The following TECTA variants were observed in gnomAD, a reference collection of about 807,000 sequenced individuals.
TECTA encodes tectorin alpha.
A neutral mutation model predicts 216.8 loss-of-function variants in TECTA; 128 were observed. That is an observed-to-expected ratio of 0.59 (90% CI 0.51 to 0.68). The LOEUF is 0.68. TECTA is among the 30% of genes least tolerant of loss of function. TECTA has a pLI of 0.00. For missense variants in TECTA, 2,551 were observed against 2,786.2 expected, an observed-to-expected ratio of 0.92 and a Z score of 1.90; for synonymous variants, 1,089 against 1,117.1, an observed-to-expected ratio of 0.97 and a Z score of 0.50.
intron 7 of TECTA, among the ~76,000 whole-genome samples, chr11:121,122,672 C>CAA (rs33994765): frequency 0.25 from 12,003 of 48,544 alleles, 1,028 homozygotes; most frequent in Non-Finnish European, 0.28. Context: ...CCTGTCTCTC[C>CAA]AAAAAAAAAA....
At chr11:121,133,744 GC>G (rs1220107328) in intron 10 of TECTA, among the ~76,000 whole-genome samples, 7 of 152,174 alleles carry the variant, frequency 4.6e-5, no homozygotes, top group Non-Finnish European at 8.8e-5. Flanking sequence ...TGGAATCACA[GC>G]ACACACGGAA....
chr11:121,174,088 G>C (rs1404806799), intron 20 of TECTA, among the ~76,000 whole-genome samples: 2 of 152,094 alleles, frequency 1.3e-5, no homozygotes, highest in East Asian at 1.9e-4. Flanking sequence ...AGGAGATTTT[G>C]GGCTGAGACA....
chr11:121,109,872 G>T, intron 4 of TECTA: 1 of 259,530 alleles, frequency 3.9e-6, no homozygotes, highest in Non-Finnish European at 7.5e-6. Flanking sequence ...CTTTTCTCTT[G>T]CCCGAGGTAC....
chr11:121,145,784 T>A lies in TECTA; in HGVS notation c.3773T>A (p.Leu1258Gln). The A allele has an allele frequency of 6.2e-7, 1 of 1,614,230 alleles. No homozygotes were observed. The change falls in exon 12 of 24, where the codon CTG becomes CAG. Residue 1258 changes from leucine (L) to glutamine (Q), a missense_variant. By Grantham distance (113) the Leu-to-Gln change is moderately radical (BLOSUM62 -2). Transcript: ENST00000392793. ...PDDDLEMPMG[L>Q]LASSVNEFGQ... The stretch of plus-strand genomic sequence containing the variant: ...GATGACCTGGAGATGCCCATGGGTC[T>A]GCTTGCATCGAGTGTCAATGAGTTT...
rs748368038 is a variant in TECTA at position 121,137,738 on chromosome 11, G to A, written c.3259G>A (p.Gly1087Ser). The change falls in exon 11 of 24, where the codon GGT becomes AGT. Residue 1087 changes from glycine (G) to serine (S), a missense_variant. By Grantham distance (56) the Gly-to-Ser change is moderately conservative. This residue lies in a region of TECTA where 2,375 missense variants were observed against 2,563.9 expected (regional missense o/e 0.93). Transcript: ENST00000392793. ...GGATGATGAGTACTGCATGGAGGAA[G>A]GTGGCCTGTACTACTGCCAAGCCCG... ...CKDDEYCMEEGGLYYCQARTD... is the reference protein window; with the variant it reads ...CKDDEYCMEESGLYYCQARTD... 9 of 1,614,004 alleles carry A rather than the reference G, an allele frequency of 5.6e-6. No individual in the cohort carries two copies. The highest frequency in any genetic ancestry group is 3.3e-5 in the Admixed American group (2 of 60,004).
intron 11 of TECTA, among the ~76,000 whole-genome samples, chr11:121,139,492 A>G (rs1591450185): frequency 1.3e-5 from 2 of 152,190 alleles, no homozygotes; most frequent in South Asian, 4.1e-4. Context: ...AGAGTTCAAG[A>G]CCAGCCTGGC....
intron 9 of TECTA, among the ~76,000 whole-genome samples, chr11:121,128,813 T>C (rs1347290675): frequency 6.6e-6 from 1 of 152,188 alleles, no homozygotes; most frequent in Non-Finnish European, 1.5e-5. Context: ...TACCTATACA[T>C]GCCAGTCTAT....
intron 20 of TECTA, among the ~76,000 whole-genome samples, chr11:121,177,470 G>A (rs950654532): frequency 1.3e-5 from 2 of 152,212 alleles, no homozygotes; most frequent in Non-Finnish European, 2.9e-5. Context: ...GGTACCAGCA[G>A]TGGTGGCTGC....
At chr11:121,144,791 A>T (rs1251318369) in intron 11 of TECTA, among the ~76,000 whole-genome samples, 1 of 152,148 alleles carries the variant, frequency 6.6e-6, no homozygotes, top group African/African-American at 2.4e-5. Context: ...GGGCATAAAG[A>T]TCAATAAAAT....
intron 8 of TECTA, 135 bp downstream of exon 8, chr11:121,126,007 CA>C: frequency 9.4e-7 from 1 of 1,061,502 alleles, no homozygotes; most frequent in Non-Finnish European, 1.4e-6. Flanking sequence ...GCACAAATTA[CA>C]AAGAACGAAT....
At chr11:121,136,513 A>T (rs1195255957) in intron 10 of TECTA, among the ~76,000 whole-genome samples, 1 of 152,200 alleles carries the variant, frequency 6.6e-6, no homozygotes, top group African/African-American at 2.4e-5. Context: ...GAGTAAAAAT[A>T]CCTACATATA....
At chr11:121,101,813 G>A (rs191134111) in intron 1 of TECTA, among the ~76,000 whole-genome samples, 2 of 152,364 alleles carry the variant, frequency 1.3e-5, no homozygotes, top group Admixed American at 1.3e-4. Flanking sequence ...CTTGGGTGAT[G>A]TCTAACTTGA....
chr11:121,165,703 A>G (rs1369625467), intron 17 of TECTA, among the ~76,000 whole-genome samples: 1 of 152,246 alleles, frequency 6.6e-6, no homozygotes, highest in Admixed American at 6.5e-5. Flanking sequence ...TGAAATAATT[A>G]GGACGAATGT....
chr11:121,159,478 G>A (rs1378827158), intron 14 of TECTA, among the ~76,000 whole-genome samples: 1 of 152,164 alleles, frequency 6.6e-6, no homozygotes, highest in Admixed American at 6.5e-5. Flanking sequence ...AATAGCCTGG[G>A]GAGAATAGTT....
intron 20 of TECTA, among the ~76,000 whole-genome samples, chr11:121,175,308 C>G (rs1270933761): frequency 6.6e-6 from 1 of 151,586 alleles, no homozygotes; most frequent in Non-Finnish European, 1.5e-5. Flanking sequence ...TGGATCTTTC[C>G]TGCTTTCTCT....
intron 12 of TECTA, among the ~76,000 whole-genome samples, chr11:121,150,668 A>G (rs1320557648): frequency 1.7e-5 from 2 of 118,516 alleles, no homozygotes; most frequent in Non-Finnish European, 3.3e-5. Flanking sequence ...TTTTTTTGAG[A>G]TGGAGTCTTT....
intron 6 of TECTA, among the ~76,000 whole-genome samples, 178 bp from the exon 7 acceptor site, chr11:121,118,128 A>G (rs1946517914): frequency 6.6e-6 from 1 of 152,178 alleles, no homozygotes; most frequent in Non-Finnish European, 1.5e-5. Context: ...TCCTGGATGA[A>G]TTACTTCACT....
intron 14 of TECTA, among the ~76,000 whole-genome samples, chr11:121,158,998 T>C (rs918770512): frequency 5.9e-5 from 9 of 152,132 alleles, no homozygotes; most frequent in Non-Finnish European, 1.5e-5. Context: ...CTCGGAAGGA[T>C]GGAGCCAGGC....
intron 12 of TECTA, among the ~76,000 whole-genome samples, chr11:121,147,231 G>A (rs997975655): frequency 9.2e-5 from 14 of 152,284 alleles, no homozygotes; most frequent in African/African-American, 3.4e-4. Context: ...GATCCTGAAT[G>A]CATAGAGCTC....
Sources: allele counts gnomAD v4.1 joint callset (sites outside exome capture counted in the v4.1 genomes callset), GRCh38; gene constraint gnomAD v4.1.1; regional missense constraint gnomAD v4.1.1; transcripts MANE v1.5; gene names NCBI Gene and HGNC (gene_info 2026-07-23, HGNC 2026-07-21).